Variants in DCUN1D5 observed in about 807,000 individuals in gnomAD.
The protein encoded by DCUN1D5 is defective in cullin neddylation 1 domain containing 5.
Under a neutral mutation model 38.3 loss-of-function variants are expected in DCUN1D5, and 10 were observed. That is an observed-to-expected ratio of 0.26 (90% CI 0.16 to 0.44). The LOEUF (loss-of-function observed/expected upper bound fraction) is 0.44, where lower values mean the gene tolerates loss of function less well. DCUN1D5 is among the 20% of genes least tolerant of loss of function. DCUN1D5 has a pLI of 1.00. For synonymous variants in DCUN1D5, 93 were observed against 90.9 expected (o/e 1.02, Z -0.13); for missense variants, 148 against 275.3 (o/e 0.54, Z 3.27).
chr11:103,079,119 T>C (rs1484184868), intron 4 of DCUN1D5, among the ~76,000 whole-genome samples: 1 of 152,186 alleles, frequency 6.6e-6, no homozygotes, highest in Non-Finnish European at 1.5e-5. Flanking sequence ...GCGAACCCTA[T>C]TGTGAACTGT....
chr11:103,066,151 A>AT lies in DCUN1D5; in HGVS notation c.555+117dup, dbSNP rs967985907. 251 of 586,812 alleles carry AT rather than the reference A, an allele frequency of 4.3e-4. No individual in the cohort carries two copies. The highest frequency in any genetic ancestry group is 6.2e-4 in the Non-Finnish European group (219 of 352,632). 36.4% of individuals were successfully genotyped at this position (586,812 alleles called of 1,614,324 possible). On this transcript the variant is annotated intron_variant, in intron 6 of 7. Transcript: ENST00000260247. The surrounding 1 kb of genome is among the most constrained non-coding windows in gnomAD (Gnocchi z 4.7). ...GCAACTGATATGTACATATTTTAGA[A>AT]TTTTTTCTCTAAAGTTTTTTTAAAG...
rs1175441596 is a variant in DCUN1D5 at position 103,083,222 on chromosome 11, C to T, written c.249+34G>A. 1.8e-6 allele frequency: 2 copies of T among 1,102,586 alleles called. No homozygotes were observed. Among genetic ancestry groups the T allele is most frequent in the Admixed American group, 1.7e-5 (1 of 57,894 alleles). The allele number at this position is 1,102,586 out of a possible 1,614,324, so 68.3% of individuals were successfully genotyped here. A position where few individuals can be genotyped will look rare whatever the true frequency, so the allele number is the denominator to read the frequency against. On this transcript the variant is annotated intron_variant, in intron 3 of 7. Coordinates refer to ENST00000260247, the MANE Select transcript of DCUN1D5 (RefSeq NM_032299.4). The surrounding 1 kb of genome is among the most constrained non-coding windows in gnomAD (Gnocchi z 4.4). ...TAATTTACGAATATGCTATACCCCA[C>T]TTATATGCCATTCTACTTAGAAATA...
At chr11:103,080,183 AAATT>A (rs1291834927) in intron 4 of DCUN1D5, among the ~76,000 whole-genome samples, 1 of 152,220 alleles carries the variant, frequency 6.6e-6, no homozygotes, top group Admixed American at 6.5e-5. Context: ...TTATGGGTTA[AAATT>A]AATTAATTGA....
chr11:103,072,328 GGATCTAGAACTAGATCTA>G (rs1246562414), intron 4 of DCUN1D5, among the ~76,000 whole-genome samples: 2 of 136,304 alleles, frequency 1.5e-5, no homozygotes, highest in Non-Finnish European at 3.1e-5. Flanking sequence ...GATTCCTCAA[GGATCTAGAACTAGATCTA>G]GATCTAGATC....
Position 103,065,113 on chromosome 11 carries a change from C to T in DCUN1D5, c.556-736G>A, listed in dbSNP as rs779955683. Among the ~76,000 whole-genome samples the T allele has an allele frequency of 4.6e-5, 7 of 151,222 alleles. No homozygotes were observed. The highest frequency in any genetic ancestry group is 8.8e-5 in the Non-Finnish European group (6 of 67,880). ...TATAGGACTTACAGATTGAATCATG[C>T]GTAAAACTCATTCATGTAAGACCTT... On this transcript the variant is annotated intron_variant, in intron 6 of 7. Coordinates refer to ENST00000260247, the MANE Select transcript of DCUN1D5 (RefSeq NM_032299.4). The surrounding 1 kb of genome is among the most constrained non-coding windows in gnomAD (Gnocchi z 4.6).
In DCUN1D5 at chr11:103,057,555, A is replaced by C. The variant is rs188840421; in HGVS notation, c.*4804T>G. ...TCCCATCTTTACTAAAACAAACAAA[A>C]AAAAAAATACAAAACTTAGCTGGGC... On this transcript the variant is annotated 3_prime_UTR_variant, in exon 8 of 8. Transcript: ENST00000260247. The surrounding 1 kb of genome is among the most constrained non-coding windows in gnomAD (Gnocchi z 4.8). Among the ~76,000 whole-genome samples, 362 of 150,210 alleles carry C rather than the reference A, an allele frequency of 2.4e-3. 1 individual carries two copies. Among genetic ancestry groups the C allele is most frequent in the Middle Eastern group, 0.014 (4 of 294 alleles).
rs1861874113 is a variant in DCUN1D5, at chr11:103,056,431, T to C, written c.*5928A>G. 6.6e-6 allele frequency among the ~76,000 whole-genome samples: 1 copy of C among 152,154 alleles called. No individual in the cohort carries two copies. Among genetic ancestry groups the C allele is most frequent in the African/African-American group, 2.4e-5 (1 of 41,430 alleles). The stretch of plus-strand genomic sequence containing the variant: ...GCCTGGAATGCTCTCCTCCCAGATA[T>C]CCACACTGCACAACCATTCACCTCC... On this transcript the variant is annotated 3_prime_UTR_variant, in exon 8 of 8. Coordinates refer to ENST00000260247, the MANE Select transcript of DCUN1D5 (RefSeq NM_032299.4). The surrounding 1 kb of genome is among the most constrained non-coding windows in gnomAD (Gnocchi z 4.9).
At position 103,087,685 on chromosome 11, in the gene DCUN1D5, C is replaced by G. The variant is rs1037623754; in HGVS notation, c.178+1542G>C. ...GTCGTAGTGGGAGGTGGTGATAATA[C>G]TACCTACTTAATAGAACAGTCACAA... On this transcript the variant is annotated intron_variant, in intron 2 of 7. Coordinates refer to ENST00000260247, the MANE Select transcript of DCUN1D5 (RefSeq NM_032299.4). This position sits in a 1 kb window ranked among gnomAD's most constrained non-coding sequence, Gnocchi z 4.1. 2.6e-5 allele frequency among the ~76,000 whole-genome samples: 4 copies of G among 152,134 alleles called. No homozygotes were observed. Among genetic ancestry groups the G allele is most frequent in the Non-Finnish European group, 5.9e-5 (4 of 68,022 alleles).
chr11:103,064,153 A>G lies in DCUN1D5; in HGVS notation c.658+122T>C, dbSNP rs1862079732. ...CTCTACTTCTCCCACAATCCCTCAC[A>G]CAATTAAATAAGTTACTATTACAAA... On this transcript the variant is annotated intron_variant, in intron 7 of 7. Coordinates refer to ENST00000260247, the MANE Select transcript of DCUN1D5 (RefSeq NM_032299.4). This position sits in a 1 kb window ranked among gnomAD's most constrained non-coding sequence, Gnocchi z 4.5. 2 of 653,580 alleles carry G rather than the reference A, an allele frequency of 3.1e-6. No homozygotes were observed. The highest frequency in any genetic ancestry group is 3.8e-5 in the African/African-American group (2 of 52,218). The allele number at this position is 653,580 out of a possible 1,614,324, so 40.5% of individuals were successfully genotyped here.
At position 103,066,299 on chromosome 11, in the gene DCUN1D5, T is replaced by C. The variant is rs550854402; in HGVS notation, c.525A>G (p.Pro175=). 14 of 1,607,480 alleles carry C rather than the reference T, an allele frequency of 8.7e-6. No individual in the cohort carries two copies. The highest frequency in any genetic ancestry group is 4.5e-5 in the East Asian group (2 of 44,598). The change falls in exon 6 of 8, where the codon CCA becomes CCG. Residue 175 remains proline (P), a synonymous_variant. Coordinates refer to ENST00000260247, the MANE Select transcript of DCUN1D5 (RefSeq NM_032299.4). This position sits in a 1 kb window ranked among gnomAD's most constrained non-coding sequence, Gnocchi z 4.7. ...GGTACTGGTAAAATACTGAAAACAG[T>C]GGCCATGTCCTCCCAAGCAGAAGAG... ...MLALLLGRTW[P]LFSVFYQYLE...
rs1197509715 is a variant in DCUN1D5, at chr11:103,055,496, G to C, written c.*6863C>G. On this transcript the variant is annotated 3_prime_UTR_variant, in exon 8 of 8. Transcript: ENST00000260247. ...ACAAAAACTTTATTCCAAGAATAAA[G>C]TGACACTCCCTCCTCAATTTAATTT... The C allele has an allele frequency of 6.6e-6, 1 of 152,078 alleles. No individual in the cohort carries two copies. Among genetic ancestry groups the C allele is most frequent in the African/African-American group, 2.4e-5 (1 of 41,418 alleles). 9.4% of individuals were successfully genotyped at this position (152,078 alleles called of 1,614,324 possible). A position where few individuals can be genotyped will look rare whatever the true frequency, so the allele number is the denominator to read the frequency against.
rs903343949 is a variant in DCUN1D5 at position 103,051,150 on chromosome 11, T to C, written c.*11209A>G. On this transcript the variant is annotated 3_prime_UTR_variant, in exon 8 of 8. Transcript: ENST00000260247. Reference sequence around the variant, plus strand: ...CAAGAACCAGATTTCCCTTATTCAGTTGGTGGTCTGTCATCTTTTTTCCAA... The same window carrying C: ...CAAGAACCAGATTTCCCTTATTCAGCTGGTGGTCTGTCATCTTTTTTCCAA... 5 of 152,190 alleles carry C rather than the reference T, an allele frequency of 3.3e-5. No individual in the cohort carries two copies. Among genetic ancestry groups the C allele is most frequent in the African/African-American group, 1.2e-4 (5 of 41,452 alleles). 9.4% of individuals were successfully genotyped at this position (152,190 alleles called of 1,614,324 possible).
At position 103,083,108 on chromosome 11, in the gene DCUN1D5, C is replaced by G. The variant is rs1437098190; in HGVS notation, c.249+148G>C. The G allele has an allele frequency of 1.1e-5, 7 of 609,480 alleles. No individual in the cohort carries two copies. Among genetic ancestry groups the G allele is most frequent in the Non-Finnish European group, 2.0e-5 (7 of 341,794 alleles). The allele number at this position is 609,480 out of a possible 1,614,324, so 37.8% of individuals were successfully genotyped here. A position where few individuals can be genotyped will look rare whatever the true frequency, so the allele number is the denominator to read the frequency against. On this transcript the variant is annotated intron_variant, in intron 3 of 7. Transcript: ENST00000260247. This position sits in a 1 kb window ranked among gnomAD's most constrained non-coding sequence, Gnocchi z 4.4. ...AAAGAATACATTTGCCCAACTTAAA[C>G]TGATTAAAAATACCTTAAATGCAAA...
chr11:103,091,931 G>T lies in DCUN1D5; in HGVS notation c.-59C>A. On this transcript the variant is annotated 5_prime_UTR_variant, in exon 1 of 8. Transcript: ENST00000260247. The surrounding 1 kb of genome is among the most constrained non-coding windows in gnomAD (Gnocchi z 4.3). ...CCGGGGAAGGGGGTCCCTGTCCGCT[G>T]GAAGCCCCTCAGCGCTGGCACCCAG... The T allele has an allele frequency of 6.6e-7, 1 of 1,514,952 alleles. No homozygotes were observed. Among genetic ancestry groups the T allele is most frequent in the Non-Finnish European group, 9.0e-7 (1 of 1,113,206 alleles). The allele number at this position is 1,514,952 out of a possible 1,614,324, so 93.8% of individuals were successfully genotyped here. A position where few individuals can be genotyped will look rare whatever the true frequency, so the allele number is the denominator to read the frequency against.
intron 4 of DCUN1D5, among the ~76,000 whole-genome samples, chr11:103,074,443 T>G (rs956842040): frequency 6.6e-6 from 1 of 152,192 alleles, no homozygotes; most frequent in African/African-American, 2.4e-5. Flanking sequence ...TGAGTCTCGC[T>G]CTGTCCCCAG....
rs1861877545 is a variant in DCUN1D5 at position 103,056,567 on chromosome 11, T to C, written c.*5792A>G. On this transcript the variant is annotated 3_prime_UTR_variant, in exon 8 of 8. Coordinates refer to ENST00000260247, the MANE Select transcript of DCUN1D5 (RefSeq NM_032299.4). The surrounding 1 kb of genome is among the most constrained non-coding windows in gnomAD (Gnocchi z 4.9). ...AACTTACTTTCCCCATATAACCTTG[T>C]CACCAAATGATAAACTATTTTACTA... Among the ~76,000 whole-genome samples the C allele has an allele frequency of 6.6e-6, 1 of 152,148 alleles. No individual in the cohort carries two copies. Among genetic ancestry groups the C allele is most frequent in the African/African-American group, 2.4e-5 (1 of 41,436 alleles).
Position 103,077,994 on chromosome 11 carries a change from C to T in DCUN1D5, c.341+4754G>A, listed in dbSNP as rs995643857. 7.2e-5 allele frequency among the ~76,000 whole-genome samples: 11 copies of T among 152,106 alleles called. No homozygotes were observed. The highest frequency in any genetic ancestry group is 2.7e-4 in the African/African-American group (11 of 41,416). ...CACACGATGGCATTTCATTTACTCTCCTCTTCCACCCCCACCAAAAAAAAA... is the reference window on the plus strand; with the variant it reads ...CACACGATGGCATTTCATTTACTCTTCTCTTCCACCCCCACCAAAAAAAAA... On this transcript the variant is annotated intron_variant, in intron 4 of 7. Coordinates refer to ENST00000260247, the MANE Select transcript of DCUN1D5 (RefSeq NM_032299.4). The surrounding 1 kb of genome is among the most constrained non-coding windows in gnomAD (Gnocchi z 4.3).
Position 103,083,413 on chromosome 11 carries a change from CATA to C in DCUN1D5, c.179-90_179-88del. The C allele has an allele frequency of 1.5e-6, 1 of 650,436 alleles. No individual in the cohort carries two copies. The highest frequency in any genetic ancestry group is 2.7e-6 in the Non-Finnish European group (1 of 373,586). The allele number at this position is 650,436 out of a possible 1,614,324, so 40.3% of individuals were successfully genotyped here. Reference sequence around the variant, plus strand: ...ATGCTAAAGGTACCCATGAACACACCATAATATTTTGCAAATAATTAAATTTGA... The same window carrying C: ...ATGCTAAAGGTACCCATGAACACACCATATTTTGCAAATAATTAAATTTGA... On this transcript the variant is annotated intron_variant, in intron 2 of 7. Transcript: ENST00000260247. This position sits in a 1 kb window ranked among gnomAD's most constrained non-coding sequence, Gnocchi z 4.4.
rs1277314172 is a variant in DCUN1D5 at position 103,083,835 on chromosome 11, G to T, written c.179-509C>A. Among the ~76,000 whole-genome samples, 1 of 152,004 alleles carries T rather than the reference G, an allele frequency of 6.6e-6. No individual in the cohort carries two copies. Among genetic ancestry groups the T allele is most frequent in the Non-Finnish European group, 1.5e-5 (1 of 67,948 alleles). On this transcript the variant is annotated intron_variant, in intron 2 of 7. Transcript: ENST00000260247. This position sits in a 1 kb window ranked among gnomAD's most constrained non-coding sequence, Gnocchi z 4.4. ...CAAATATAATTTAATTATTGAAAAA[G>T]ACAAAGGTATTTTGAAAATAATGAC...
Sources: allele counts gnomAD v4.1 joint callset (sites outside exome capture counted in the v4.1 genomes callset), GRCh38; gene constraint gnomAD v4.1.1; non-coding constraint Gnocchi (gnomAD v3.1); transcripts MANE v1.5; gene names NCBI Gene and HGNC (gene_info 2026-07-23, HGNC 2026-07-21).